Variants in SFXN5 observed in about 807,000 individuals in gnomAD.
SFXN5 encodes sideroflexin-5.
SFXN5 carries 43 observed loss-of-function variants against 50.2 expected under a neutral mutation model. The ratio of observed to expected loss-of-function variants is 0.86; its 90% CI spans 0.67 to 1.11. The LOEUF (loss-of-function observed/expected upper bound fraction) is 1.11, where lower values mean the gene tolerates loss of function less well. SFXN5 is among the 50% of genes least tolerant of loss of function. The pLI is 0.00. For synonymous variants in SFXN5, 203 were observed against 185.8 expected (o/e 1.09, Z -0.75); for missense variants, 463 against 454.1 (o/e 1.02, Z -0.18).
chr2:72,980,534 T>TGAGAATTTGGG (rs1197809578), intron 10 of SFXN5, among the ~76,000 whole-genome samples: 3 of 152,128 alleles, frequency 2.0e-5, no homozygotes, highest in Non-Finnish European at 4.4e-5. Context: ...TTAAGTAGCT[T>TGAGAATTTGGG]GAGAATTTGG....
intron 11 of SFXN5, among the ~76,000 whole-genome samples, chr2:72,969,027 C>T (rs113578371): frequency 7.2e-5 from 11 of 152,128 alleles, no homozygotes; most frequent in African/African-American, 2.4e-4. Context: ...AGGCTGGTCT[C>T]GAACTCCTGA....
chr2:73,047,353 GTGTATATATGTATATATA>G (rs924612086), intron 2 of SFXN5, among the ~76,000 whole-genome samples: 8 of 133,638 alleles, frequency 6.0e-5, no homozygotes, highest in African/African-American at 2.2e-4. Context: ...ACATATATAT[GTGTATATATGTATATATA>G]TGTATATATA....
intron 2 of SFXN5, among the ~76,000 whole-genome samples, chr2:73,043,465 ACT>A (rs956912032): frequency 6.6e-6 from 1 of 152,228 alleles, no homozygotes; most frequent in Non-Finnish European, 1.5e-5. Context: ...CATGTGAAGC[ACT>A]GGCATGTGAA....
In SFXN5 at chr2:72,953,656, C is replaced by T. The variant is rs1672776447; in HGVS notation, c.945+7475G>A. ...AAGATGGAACACAGAAAACACACCA[C>T]CAGAGCCTACACAGGTGAGGTGAGA... On this transcript the variant is annotated intron_variant, in intron 13 of 13. Coordinates refer to ENST00000272433, the MANE Select transcript of SFXN5 (RefSeq NM_144579.3). The surrounding 1 kb of genome is among the most constrained non-coding windows in gnomAD (Gnocchi z 4.1). Among the ~76,000 whole-genome samples the T allele has an allele frequency of 6.6e-6, 1 of 152,168 alleles. No individual in the cohort carries two copies. Among genetic ancestry groups the T allele is most frequent in the Non-Finnish European group, 1.5e-5 (1 of 68,028 alleles).
rs1169718351 is a variant in SFXN5, at chr2:72,961,351, T to G, written c.828-103A>C. ...ACTCTGTCTCTGGGCCCAGGAAGCG[T>G]GGTTCCGGGGCAGTGCCAGTGTGCA... On this transcript the variant is annotated intron_variant, in intron 12 of 13. Coordinates refer to ENST00000272433, the MANE Select transcript of SFXN5 (RefSeq NM_144579.3). The surrounding 1 kb of genome is among the most constrained non-coding windows in gnomAD (Gnocchi z 4.4). 1 of 726,840 alleles carries G rather than the reference T, an allele frequency of 1.4e-6. No homozygotes were observed. The highest frequency in any genetic ancestry group is 3.1e-5 in the East Asian group (1 of 32,456). The allele number at this position is 726,840 out of a possible 1,614,324, so 45.0% of individuals were successfully genotyped here.
intron 7 of SFXN5, 44 bp from the exon 8 acceptor site, chr2:73,000,531 T>C (rs372579670): frequency 1.3e-6 from 2 of 1,545,060 alleles, no homozygotes; most frequent in African/African-American, 2.7e-5. Context: ...AGTGGTCACC[T>C]CCCTGGAAGC....
Position 72,961,120 on chromosome 2 carries a change from T to C in SFXN5, c.945+11A>G. ...CTGCCCTGCCCTGCCCTTGAGCCCC[T>C]CCCCACTGACCTCTGACATTTGCGG... On this transcript the variant is annotated intron_variant, in intron 13 of 13. Coordinates refer to ENST00000272433, the MANE Select transcript of SFXN5 (RefSeq NM_144579.3). This position sits in a 1 kb window ranked among gnomAD's most constrained non-coding sequence, Gnocchi z 4.4. 1 of 1,565,760 alleles carries C rather than the reference T, an allele frequency of 6.4e-7. No homozygotes were observed. The highest frequency in any genetic ancestry group is 8.7e-7 in the Non-Finnish European group (1 of 1,155,900).
intron 2 of SFXN5, among the ~76,000 whole-genome samples, chr2:73,052,367 T>C (rs2421265): frequency 0.13 from 19,301 of 144,798 alleles, 1,470 homozygotes; most frequent in East Asian, 0.39. Context: ...TGCGTGTGTG[T>C]GTGTGTGTGT....
In SFXN5 at chr2:73,057,772, T is replaced by G. The variant is rs112897666; in HGVS notation, c.171+756A>C. Reference sequence around the variant, plus strand: ...TGGGGATGGTTCCCCCATGCTGTTCTCGTGATAGTGAGTTCCCATGAGATC... The same window carrying G: ...TGGGGATGGTTCCCCCATGCTGTTCGCGTGATAGTGAGTTCCCATGAGATC... On this transcript the variant is annotated intron_variant, in intron 2 of 13. Coordinates refer to ENST00000272433, the MANE Select transcript of SFXN5 (RefSeq NM_144579.3). Among the ~76,000 whole-genome samples the G allele has an allele frequency of 1.9e-3, 283 of 152,304 alleles. 2 individuals carry two copies. The highest frequency in any genetic ancestry group is 5.3e-3 in the African/African-American group (219 of 41,552).
intron 9 of SFXN5, chr2:72,996,451 G>A (rs1379791906): frequency 6.6e-6 from 1 of 152,408 alleles, no homozygotes; most frequent in Non-Finnish European, 1.5e-5. Context: ...CCTCAGGTGG[G>A]GCAGTGAGGA....
chr2:73,036,738 G>A (rs1359028539), intron 3 of SFXN5, among the ~76,000 whole-genome samples: 1 of 152,218 alleles, frequency 6.6e-6, no homozygotes, highest in Non-Finnish European at 1.5e-5. Context: ...TGGTCAGGAG[G>A]CCATAGAGGC....
chr2:73,036,980 C>T (rs368716750), intron 3 of SFXN5, among the ~76,000 whole-genome samples: 1 of 152,268 alleles, frequency 6.6e-6, no homozygotes, highest in Non-Finnish European at 1.5e-5. Flanking sequence ...TAAGCAGGCA[C>T]TGCGGGTCTG....
intron 3 of SFXN5, among the ~76,000 whole-genome samples, chr2:73,025,850 A>C (rs1677479802): frequency 6.6e-6 from 1 of 152,218 alleles, no homozygotes; most frequent in African/African-American, 2.4e-5. Flanking sequence ...CATCCAGGTG[A>C]TGGAGGTTTA....
chr2:72,974,163 A>C (rs1452660271), intron 10 of SFXN5, among the ~76,000 whole-genome samples: 1 of 152,172 alleles, frequency 6.6e-6, no homozygotes, highest in East Asian at 1.9e-4. Flanking sequence ...CAGCCTCTGC[A>C]CCTGTGCCCA....
intron 6 of SFXN5, among the ~76,000 whole-genome samples, chr2:73,002,297 T>C (rs2105702492): frequency 6.6e-6 from 1 of 152,346 alleles, no homozygotes; most frequent in East Asian, 1.9e-4. Flanking sequence ...AACATGTAGA[T>C]CCATTATTCC....
At chr2:73,043,029 C>T (rs1679852625) in intron 2 of SFXN5, among the ~76,000 whole-genome samples, 1 of 152,234 alleles carries the variant, frequency 6.6e-6, no homozygotes, top group Admixed American at 6.5e-5. Context: ...GATCGCACCA[C>T]TGCACTCCAG....
rs2105289174 is a variant in SFXN5 at position 72,943,508 on chromosome 2, C to G, written c.*1514G>C. Reference sequence around the variant, plus strand: ...CACACCCACCCCAGGCTCTGCTTCCCTTTGTACAGCTTGCTCTTCCTTCCT... The same window carrying G: ...CACACCCACCCCAGGCTCTGCTTCCGTTTGTACAGCTTGCTCTTCCTTCCT... On this transcript the variant is annotated 3_prime_UTR_variant, in exon 14 of 14. Transcript: ENST00000272433. The G allele has an allele frequency of 6.5e-6, 1 of 152,920 alleles. No individual in the cohort carries two copies. The highest frequency in any genetic ancestry group is 2.1e-4 in the South Asian group (1 of 4,830). 9.5% of individuals were successfully genotyped at this position (152,920 alleles called of 1,614,324 possible).
At chr2:73,037,750 A>G (rs1679152376) in intron 3 of SFXN5, among the ~76,000 whole-genome samples, 2 of 152,256 alleles carry the variant, frequency 1.3e-5, no homozygotes, top group Non-Finnish European at 2.9e-5. Context: ...AAGGAAAATG[A>G]TTGTCAACCT....
At chr2:72,966,999 A>G (rs1460362853) in intron 12 of SFXN5, among the ~76,000 whole-genome samples, 1 of 152,214 alleles carries the variant, frequency 6.6e-6, no homozygotes, top group East Asian at 1.9e-4. Flanking sequence ...TTATGACCTG[A>G]ATATGCAAGA....
Sources: allele counts gnomAD v4.1 joint callset (sites outside exome capture counted in the v4.1 genomes callset), GRCh38; gene constraint gnomAD v4.1.1; non-coding constraint Gnocchi (gnomAD v3.1); transcripts MANE v1.5; gene names NCBI Gene and HGNC (gene_info 2026-07-23, HGNC 2026-07-21).